TMEM17: variants seen among roughly 807,000 people sequenced by gnomAD.
TMEM17 encodes transmembrane protein 17.
A neutral mutation model predicts 19.1 loss-of-function variants in TMEM17; 15 were observed. That is an observed-to-expected ratio of 0.78 (90% CI 0.52 to 1.21). The LOEUF (loss-of-function observed/expected upper bound fraction) is 1.21. Ranked by LOEUF, TMEM17 falls within the 50% of genes most tolerant of loss-of-function variation. TMEM17 has a pLI of 0.00. For missense variants in TMEM17, 245 were observed against 242.3 expected (o/e 1.01, Z -0.07); for synonymous variants, 103 against 86.9 (o/e 1.19, Z -1.03).
the TMEM17 span, among the ~76,000 whole-genome samples, chr2:62,458,346 A>G: frequency 0.19 from 28,717 of 152,200 alleles, 2,879 homozygotes; most frequent in Admixed American, 0.28. Flanking sequence ...ATGTCCTCAC[A>G]GGACCAGACC....
the TMEM17 span, among the ~76,000 whole-genome samples, chr2:62,473,648 T>C: frequency 6.6e-6 from 1 of 152,224 alleles, no homozygotes; most frequent in Non-Finnish European, 1.5e-5. Context: ...ACTTTCCTAC[T>C]GTTTACACAT....
At chr2:62,488,268 C>A in the TMEM17 span, among the ~76,000 whole-genome samples, 8 of 151,948 alleles carry the variant, frequency 5.3e-5, no homozygotes, top group Non-Finnish European at 1.0e-4. Context: ...TGAAAGTGAT[C>A]AATATGATAA....
the TMEM17 span, among the ~76,000 whole-genome samples, chr2:62,468,037 A>T: frequency 6.6e-6 from 1 of 152,064 alleles, no homozygotes; most frequent in Non-Finnish European, 1.5e-5. Flanking sequence ...CTTGGGGTTG[A>T]GGAGTTGTTA....
the TMEM17 span, among the ~76,000 whole-genome samples, chr2:62,462,240 G>A: frequency 6.6e-6 from 1 of 152,108 alleles, no homozygotes; most frequent in South Asian, 2.1e-4. Context: ...CGCCATAGGG[G>A]TCTCAGGCCA....
At chr2:62,465,017 G>A in the TMEM17 span, among the ~76,000 whole-genome samples, 1 of 152,186 alleles carries the variant, frequency 6.6e-6, no homozygotes, top group South Asian at 2.1e-4. Flanking sequence ...CCAGCTGAAT[G>A]ACTCTTAAGC....
At chr2:62,458,749 G>C in the TMEM17 span, among the ~76,000 whole-genome samples, 1 of 152,212 alleles carries the variant, frequency 6.6e-6, no homozygotes, top group Non-Finnish European at 1.5e-5. Context: ...CAGCGTGCCC[G>C]TGTCTGTAGC....
At chr2:62,462,880 C>T in the TMEM17 span, among the ~76,000 whole-genome samples, 8 of 152,178 alleles carry the variant, frequency 5.3e-5, no homozygotes, top group East Asian at 1.9e-4. Context: ...TGGTATCTGC[C>T]CTCCTGAGCC....
chr2:62,494,347 T>G, the TMEM17 span, among the ~76,000 whole-genome samples: 5 of 152,160 alleles, frequency 3.3e-5, no homozygotes, highest in South Asian at 1.0e-3. Context: ...GTTTTTAGGA[T>G]AGCACAAATT....
the TMEM17 span, among the ~76,000 whole-genome samples, chr2:62,475,367 G>A: frequency 6.6e-6 from 1 of 152,238 alleles, no homozygotes; most frequent in East Asian, 1.9e-4. Context: ...CTTCGAGAGG[G>A]ACCGCTGAGT....
chr2:62,482,553 G>T, the TMEM17 span, among the ~76,000 whole-genome samples: 16 of 152,138 alleles, frequency 1.1e-4, no homozygotes, highest in South Asian at 2.1e-4. Context: ...ATGTATCCAG[G>T]CTTGGTCAGT....
chr2:62,504,136 T>C (rs1680003007), intron 1 of TMEM17, among the ~76,000 whole-genome samples: 1 of 152,242 alleles, frequency 6.6e-6, no homozygotes, highest in South Asian at 2.1e-4. Flanking sequence ...TATTTTAAAA[T>C]ATAAGAAATA....
the TMEM17 span, chr2:62,491,509 A>C: frequency 6.6e-6 from 1 of 152,336 alleles, no homozygotes. Context: ...ACAACAAAAA[A>C]CCCTCAGTTA....
chr2:62,467,205 C>T, the TMEM17 span, among the ~76,000 whole-genome samples: 5 of 151,404 alleles, frequency 3.3e-5, no homozygotes, highest in East Asian at 1.9e-4. Context: ...CCCCCGCCCA[C>T]GCCTCCCCAC....
At chr2:62,472,718 G>C in the TMEM17 span, among the ~76,000 whole-genome samples, 3 of 152,182 alleles carry the variant, frequency 2.0e-5, no homozygotes, top group Admixed American at 2.0e-4. Context: ...TTGCTTTTGG[G>C]TTCTCCCAGG....
At chr2:62,463,658 G>T in the TMEM17 span, among the ~76,000 whole-genome samples, 2 of 152,188 alleles carry the variant, frequency 1.3e-5, no homozygotes, top group Non-Finnish European at 2.9e-5. Context: ...AGGGACAGGA[G>T]GCAGAGAAAT....
the TMEM17 span, among the ~76,000 whole-genome samples, chr2:62,493,867 C>T: frequency 1.3e-5 from 2 of 152,126 alleles, no homozygotes; most frequent in Admixed American, 6.5e-5. Flanking sequence ...CTTTTCAGCT[C>T]ATCTCAACCC....
At chr2:62,462,418 C>T in the TMEM17 span, among the ~76,000 whole-genome samples, 1 of 152,152 alleles carries the variant, frequency 6.6e-6, no homozygotes, top group Non-Finnish European at 1.5e-5. Flanking sequence ...CCTTTGGCTT[C>T]CCATTCTGGC....
the TMEM17 span, among the ~76,000 whole-genome samples, chr2:62,455,402 C>T: frequency 1.3e-5 from 2 of 152,344 alleles, no homozygotes; most frequent in African/African-American, 4.8e-5. Context: ...AATAATGCAG[C>T]TATGAACATT....
At chr2:62,499,295 A>G (rs1440150527), downstream of TMEM17, among the ~76,000 whole-genome samples, 1 of 152,200 alleles carries the variant, frequency 6.6e-6, no homozygotes, top group Non-Finnish European at 1.5e-5. Flanking sequence ...TCTGGAAACA[A>G]TCTTGAAATA....
Sources: gnomAD v4.1 joint callset for allele counts (sites outside exome capture counted in the v4.1 genomes callset) on GRCh38, gnomAD v4.1.1 for gene constraint, MANE v1.5 for transcripts, NCBI Gene and HGNC (gene_info 2026-07-23, HGNC 2026-07-21) for gene names.